The following SYN3 variants were observed in gnomAD, a reference collection of about 807,000 sequenced individuals.
SYN3 encodes the protein synapsin-3.
Under a neutral mutation model 65.8 loss-of-function variants are expected in SYN3, and 35 were observed. The observed-to-expected ratio is 0.53, with a 90% confidence interval of 0.41 to 0.70. The LOEUF is 0.70. Among genes scored for constraint, SYN3 ranks in the 30% least tolerant of loss-of-function variants. The pLI is 0.00. For synonymous variants in SYN3, 270 were observed against 292.9 expected, an observed-to-expected ratio of 0.92 and a Z score of 0.80; for missense variants, 680 against 749.0, an observed-to-expected ratio of 0.91 and a Z score of 1.08.
At chr22:32,899,589 C>T (rs376406320) in intron 4 of SYN3, among the ~76,000 whole-genome samples, 1 of 152,192 alleles carries the variant, frequency 6.6e-6, no homozygotes, top group African/African-American at 2.4e-5. Flanking sequence ...TTTCTGAATT[C>T]ATCCACTTAA....
chr22:32,765,782 CA>C (rs1407012606), intron 6 of SYN3, among the ~76,000 whole-genome samples: 6 of 152,162 alleles, frequency 3.9e-5, no homozygotes. Context: ...AAAAAGATCA[CA>C]CACCACTGAA....
At chr22:32,984,014 C>G (rs1386188176) in intron 2 of SYN3, among the ~76,000 whole-genome samples, 1 of 151,554 alleles carries the variant, frequency 6.6e-6, no homozygotes, top group Non-Finnish European at 1.5e-5. Context: ...AAACAATTAG[C>G]CAGGAGTGGT....
chr22:32,969,086 G>A (rs2051935213), intron 3 of SYN3, among the ~76,000 whole-genome samples: 3 of 152,160 alleles, frequency 2.0e-5, no homozygotes, highest in Admixed American at 2.0e-4. Context: ...CTGATGAAGT[G>A]GTGTGGCAGT....
intron 3 of SYN3, among the ~76,000 whole-genome samples, chr22:32,936,412 A>G (rs545004010): frequency 1.7e-4 from 26 of 152,246 alleles, no homozygotes; most frequent in Non-Finnish European, 3.4e-4. Context: ...GGATACAAAG[A>G]TTGAAGTTCA....
intron 5 of SYN3, among the ~76,000 whole-genome samples, chr22:32,868,191 TA>T (rs1444907289): frequency 2.0e-5 from 3 of 152,146 alleles, no homozygotes; most frequent in Non-Finnish European, 4.4e-5. Flanking sequence ...CTGTTAACAA[TA>T]ATGATAGAAT....
intron 4 of SYN3, among the ~76,000 whole-genome samples, chr22:32,876,740 C>A (rs1383235282): frequency 6.6e-6 from 1 of 151,994 alleles, no homozygotes; most frequent in Non-Finnish European, 1.5e-5. Flanking sequence ...TGACATAAAA[C>A]AATAGAATAG....
At chr22:32,530,478 C>T (rs1359425090) in intron 10 of SYN3, among the ~76,000 whole-genome samples, 2 of 152,164 alleles carry the variant, frequency 1.3e-5, no homozygotes, top group Admixed American at 1.3e-4. Flanking sequence ...AACAGCACAC[C>T]AGGGTAGGAA....
intron 7 of SYN3, among the ~76,000 whole-genome samples, chr22:32,593,664 A>G (rs2146569702): frequency 6.6e-6 from 1 of 152,146 alleles, no homozygotes; most frequent in Admixed American, 6.5e-5. Context: ...CTGGTCTGGG[A>G]TGTTTAGGCT....
intron 6 of SYN3, among the ~76,000 whole-genome samples, chr22:32,838,902 C>T (rs766715751): frequency 3.3e-5 from 5 of 151,622 alleles, no homozygotes; most frequent in African/African-American, 1.2e-4. Flanking sequence ...CGGTAATTAG[C>T]GATGCTAGTG....
At chr22:32,911,824 C>T (rs2050059847) in intron 4 of SYN3, among the ~76,000 whole-genome samples, 1 of 152,188 alleles carries the variant, frequency 6.6e-6, no homozygotes, top group African/African-American at 2.4e-5. Context: ...AGCCCACCCA[C>T]TCAGAAAGCC....
chr22:32,802,973 A>G (rs774321908), intron 6 of SYN3, among the ~76,000 whole-genome samples: 30 of 152,162 alleles, frequency 2.0e-4, no homozygotes, highest in Non-Finnish European at 3.7e-4. Flanking sequence ...GAGACCCTGT[A>G]AAGAGACCTC....
chr22:32,652,586 C>T (rs1259661109), intron 6 of SYN3, among the ~76,000 whole-genome samples: 1 of 152,012 alleles, frequency 6.6e-6, no homozygotes, highest in Non-Finnish European at 1.5e-5. Flanking sequence ...AAAGGGAACA[C>T]TTTCTGGTAG....
At chr22:32,521,175 C>T (rs571785387) in intron 12 of SYN3, among the ~76,000 whole-genome samples, 1 of 152,282 alleles carries the variant, frequency 6.6e-6, no homozygotes, top group African/African-American at 2.4e-5. Context: ...AATTTGCCCA[C>T]TTGAGATAAA....
chr22:32,751,829 T>C lies in SYN3; in HGVS notation c.711+113086A>G, dbSNP rs138746080. Among the ~76,000 whole-genome samples the C allele has an allele frequency of 2.9e-3, 441 of 152,308 alleles. 3 individuals carry two copies. The highest frequency in any genetic ancestry group is 0.018 in the South Asian group (87 of 4,828). ...TGATGGCCATAGTGATGGTTTACACTCAGACTGGTGAGGCCAGAGCTAAAA... is the reference window on the plus strand; with the variant it reads ...TGATGGCCATAGTGATGGTTTACACCCAGACTGGTGAGGCCAGAGCTAAAA... On this transcript the variant is annotated intron_variant, in intron 6 of 13. Transcript: ENST00000358763.
chr22:32,665,265 T>G (rs1422210898), intron 6 of SYN3, among the ~76,000 whole-genome samples: 2 of 152,142 alleles, frequency 1.3e-5, no homozygotes, highest in African/African-American at 4.8e-5. Context: ...CCCAAAGTAC[T>G]AGGATTACAG....
At chr22:32,870,647 G>A (rs1189778637) in intron 4 of SYN3, among the ~76,000 whole-genome samples, 1 of 152,114 alleles carries the variant, frequency 6.6e-6, no homozygotes, top group Non-Finnish European at 1.5e-5. Flanking sequence ...TTATGAGAAT[G>A]TCCATCTCAT....
intron 1 of SYN3, among the ~76,000 whole-genome samples, chr22:33,024,348 A>T (rs1338383719): frequency 6.6e-6 from 1 of 152,168 alleles, no homozygotes; most frequent in African/African-American, 2.4e-5. Flanking sequence ...TCACCAATAC[A>T]AATTCCCAGG....
At chr22:32,608,065 A>G (rs2059394286) in intron 6 of SYN3, among the ~76,000 whole-genome samples, 1 of 152,196 alleles carries the variant, frequency 6.6e-6, no homozygotes, top group African/African-American at 2.4e-5. Flanking sequence ...ACCCTTTTAA[A>G]AAAAGTATTT....
At chr22:32,895,496 A>C (rs956089765) in intron 4 of SYN3, among the ~76,000 whole-genome samples, 1 of 152,210 alleles carries the variant, frequency 6.6e-6, no homozygotes, top group Non-Finnish European at 1.5e-5. Context: ...TGATAACAAA[A>C]TGCCAATAAT....
Sources: gnomAD v4.1 joint callset for allele counts (sites outside exome capture counted in the v4.1 genomes callset) on GRCh38, gnomAD v4.1.1 for gene constraint, MANE v1.5 for transcripts, NCBI Gene and HGNC (gene_info 2026-07-23, HGNC 2026-07-21) for gene names.